The following NPSR1 variants were observed in gnomAD, a reference collection of about 807,000 sequenced individuals.
NPSR1 encodes the protein neuropeptide S receptor.
A neutral mutation model predicts 46.9 loss-of-function variants in NPSR1; 48 were observed. That is an observed-to-expected ratio of 1.02 (90% CI 0.81 to 1.30). The LOEUF is 1.30. Ranked by LOEUF, NPSR1 falls within the 50% of genes most tolerant of loss-of-function variation. The probability of loss-of-function intolerance (pLI) is 0.00; values close to 1 mark genes in which losing one functional copy is unlikely to be tolerated. For synonymous variants in NPSR1, 176 were observed against 168.1 expected (o/e 1.05, Z -0.36); for missense variants, 450 against 449.5 (o/e 1.00, Z -0.01).
chr7:34,856,695 C>T (rs1791056518), intron 8 of NPSR1, among the ~76,000 whole-genome samples: 1 of 151,584 alleles, frequency 6.6e-6, no homozygotes, highest in African/African-American at 2.4e-5. Context: ...AAAAGTCTGT[C>T]CAGGTTTGTT....
At chr7:34,662,333 G>A (rs779111022) in intron 1 of NPSR1, among the ~76,000 whole-genome samples, 8 of 152,056 alleles carry the variant, frequency 5.3e-5, no homozygotes, top group African/African-American at 9.7e-5. Flanking sequence ...TCCCTGCCAC[G>A]CTGCCTTACT....
At chr7:34,740,873 A>G (rs1031365102) in intron 2 of NPSR1, among the ~76,000 whole-genome samples, 29 of 152,190 alleles carry the variant, frequency 1.9e-4, no homozygotes, top group Admixed American at 2.0e-4. Context: ...AAGACTCCAC[A>G]TGCTGCTCTG....
intron 5 of NPSR1, among the ~76,000 whole-genome samples, chr7:34,828,253 G>A (rs113093312): frequency 6.6e-6 from 1 of 152,230 alleles, no homozygotes. Context: ...CCAGAAATCA[G>A]AGTGAGTGTA....
At chr7:34,663,067 C>CTCTCTCTCTGTGTGTG (rs35826710) in intron 1 of NPSR1, among the ~76,000 whole-genome samples, 11 of 99,384 alleles carry the variant, frequency 1.1e-4, no homozygotes, top group East Asian at 2.9e-4. Flanking sequence ...CTCTCTCTCT[C>CTCTCTCTCTGTGTGTG]TGTGTGTGTG....
At chr7:34,842,179 G>A (rs962426015) in intron 6 of NPSR1, among the ~76,000 whole-genome samples, 61 of 152,124 alleles carry the variant, frequency 4.0e-4, no homozygotes, top group African/African-American at 1.5e-3. Context: ...CTGTGAGTTA[G>A]GTGTTCTACA....
intron 2 of NPSR1, among the ~76,000 whole-genome samples, chr7:34,707,607 T>G (rs1376568872): frequency 2.6e-5 from 4 of 152,212 alleles, no homozygotes; most frequent in African/African-American, 9.6e-5. Context: ...GGACCCACAG[T>G]GGATTTGATT....
chr7:34,826,339 G>A (rs1789837638), intron 4 of NPSR1, among the ~76,000 whole-genome samples: 3 of 152,160 alleles, frequency 2.0e-5, no homozygotes, highest in Non-Finnish European at 4.4e-5. Flanking sequence ...TTTTGGGTTT[G>A]GATTTTAATA....
intron 3 of NPSR1, among the ~76,000 whole-genome samples, chr7:34,792,707 A>ATATATT (rs1310062704): frequency 2.6e-4 from 33 of 126,064 alleles, no homozygotes; most frequent in African/African-American, 1.0e-3. Flanking sequence ...ATACGTATAT[A>ATATATT]TATATATTTA....
chr7:34,660,110 C>T (rs2128667730), intron 1 of NPSR1: 1 of 456,634 alleles, frequency 2.2e-6, no homozygotes, highest in South Asian at 1.5e-5. Flanking sequence ...AGTGTTTGTC[C>T]TCTCTATCCT....
chr7:34,660,580 T>A (rs938986772), intron 1 of NPSR1, among the ~76,000 whole-genome samples: 1 of 152,070 alleles, frequency 6.6e-6, no homozygotes, highest in East Asian at 1.9e-4. Flanking sequence ...GTAAAAAAAA[T>A]AGCATGAAAA....
intron 2 of NPSR1, among the ~76,000 whole-genome samples, chr7:34,767,343 T>C (rs979023967): frequency 1.3e-5 from 2 of 152,162 alleles, no homozygotes; most frequent in Non-Finnish European, 2.9e-5. Flanking sequence ...ATAACCATGA[T>C]TAATAGGTTA....
chr7:34,781,543 T>A (rs1172571509), intron 3 of NPSR1, among the ~76,000 whole-genome samples: 1 of 152,142 alleles, frequency 6.6e-6, no homozygotes, highest in Non-Finnish European at 1.5e-5. Context: ...AGGACCAACA[T>A]TGTCTCTAGT....
At chr7:34,864,036 G>C (rs1409253987) in intron 8 of NPSR1, among the ~76,000 whole-genome samples, 1 of 151,760 alleles carries the variant, frequency 6.6e-6, no homozygotes, top group Non-Finnish European at 1.5e-5. Context: ...AGAATACTAT[G>C]CAGCCATAAA....
At chr7:34,702,894 T>C (rs1378492827) in intron 2 of NPSR1, among the ~76,000 whole-genome samples, 1 of 151,774 alleles carries the variant, frequency 6.6e-6, no homozygotes, top group African/African-American at 2.4e-5. Flanking sequence ...GGACAAATGC[T>C]CTAGAACCCG....
At chr7:34,866,505 CTA>C (rs1791318615) in intron 8 of NPSR1, among the ~76,000 whole-genome samples, 1 of 151,564 alleles carries the variant, frequency 6.6e-6, no homozygotes, top group Non-Finnish European at 1.5e-5. Context: ...CTTTCCATGT[CTA>C]TGTTTATAAT....
chr7:34,851,721 A>G (rs1289282518), downstream of NPSR1, among the ~76,000 whole-genome samples: 1 of 152,200 alleles, frequency 6.6e-6, no homozygotes, highest in African/African-American at 2.4e-5. Flanking sequence ...TGGTCTGCAA[A>G]ATACATTACA....
chr7:34,708,994 G>A (rs919214115), intron 2 of NPSR1, among the ~76,000 whole-genome samples: 6 of 152,108 alleles, frequency 3.9e-5, no homozygotes, highest in African/African-American at 1.4e-4. Flanking sequence ...GGCCTCCCCA[G>A]GGTCTTCTAG....
chr7:34,870,934 A>AGATG (rs1044840009), intron 8 of NPSR1, among the ~76,000 whole-genome samples: 11 of 151,416 alleles, frequency 7.3e-5, no homozygotes, highest in Non-Finnish European at 1.5e-4. Flanking sequence ...ATGGATGGAT[A>AGATG]GATGGATGGA....
intron 2 of NPSR1, among the ~76,000 whole-genome samples, chr7:34,734,661 G>T (rs1784584982): frequency 1.3e-5 from 2 of 152,278 alleles, no homozygotes; most frequent in South Asian, 2.1e-4. Context: ...AAGCACTAAA[G>T]GTGCTTGTTC....
Sources: allele counts gnomAD v4.1 joint callset (sites outside exome capture counted in the v4.1 genomes callset), GRCh38; gene constraint gnomAD v4.1.1; transcripts MANE v1.5; gene names NCBI Gene and HGNC (gene_info 2026-07-23, HGNC 2026-07-21).